Variants in EXD2 observed in about 807,000 individuals in gnomAD.
The protein encoded by EXD2 is exonuclease 3'-5' domain containing 2, also known as exonuclease 3'-5' domain-containing protein 2.
EXD2 carries 40 observed loss-of-function variants against 62.5 expected under a neutral mutation model. The ratio of observed to expected loss-of-function variants is 0.64; its 90% CI spans 0.50 to 0.83. EXD2 has a LOEUF of 0.83. EXD2 is among the 40% of genes least tolerant of loss of function. The probability of loss-of-function intolerance (pLI) is 0.00; values close to 1 mark genes in which losing one functional copy is unlikely to be tolerated. For missense variants in EXD2, 671 were observed against 761.8 expected, an observed-to-expected ratio of 0.88 and a Z score of 1.40; for synonymous variants, 239 against 291.9, an observed-to-expected ratio of 0.82 and a Z score of 1.85.
At chr14:69,203,591 G>A (rs2042482698) in intron 1 of EXD2, among the ~76,000 whole-genome samples, 1 of 152,176 alleles carries the variant, frequency 6.6e-6, no homozygotes, top group Non-Finnish European at 1.5e-5. Context: ...TTTGTAAGCA[G>A]GAAACTTTTA....
intron 1 of EXD2, among the ~76,000 whole-genome samples, chr14:69,200,537 A>C (rs1270307556): frequency 6.6e-6 from 1 of 151,626 alleles, no homozygotes; most frequent in Non-Finnish European, 1.5e-5. Context: ...CCCCATCTCT[A>C]CAAAAATAAT....
intron 9 of EXD2, among the ~76,000 whole-genome samples, chr14:69,238,270 G>A (rs550638800): frequency 6.6e-6 from 1 of 152,282 alleles, no homozygotes; most frequent in South Asian, 2.1e-4. Flanking sequence ...CCTCATGCCA[G>A]CACATGAGAT....
rs1177886071 is a variant in EXD2, at chr14:69,237,664, C to T, written c.1382C>T (p.Ser461Phe). The T allele has an allele frequency of 3.1e-6, 5 of 1,614,250 alleles. No homozygotes were observed. Among genetic ancestry groups the T allele is most frequent in the African/African-American group, 1.3e-5 (1 of 75,070 alleles). ...CACGATGTGCTGCTGCTCTGCACCTCCTGCCATGCCATTTCCAACTACTAT... is the reference window on the plus strand; with the variant it reads ...CACGATGTGCTGCTGCTCTGCACCTTCTGCCATGCCATTTCCAACTACTAT... ...NSHDVLLLCT[S>F]CHAISNYYDN... Residue 461 changes from serine to phenylalanine, a missense_variant, in exon 9 of 10, where the codon TCC (serine) becomes TTC (phenylalanine). By Grantham distance (155) the Ser-to-Phe change is radical (BLOSUM62 -2). Transcript: ENST00000685843.
chr14:69,207,840 G>A (rs951110382), intron 2 of EXD2, among the ~76,000 whole-genome samples: 8 of 151,736 alleles, frequency 5.3e-5, no homozygotes, highest in East Asian at 1.9e-4. Context: ...AGCTTGTGCC[G>A]AATGGTTGCT....
rs2043959113 is a variant in EXD2, at chr14:69,240,900, T to C, written c.1666T>C (p.Tyr556His). 1 of 1,613,436 alleles carries C rather than the reference T, an allele frequency of 6.2e-7. No individual in the cohort carries two copies. Among genetic ancestry groups the C allele is most frequent in the East Asian group, 2.2e-5 (1 of 44,876 alleles). The stretch of plus-strand genomic sequence containing the variant: ...TTTTGGCAGAATCTCCAATGAAAAC[T>C]ATGTTCCTCACGGGCTGAAGGTGGT... ...SLETRISNEN[Y>H]VPHGLKVVQC... Residue 556 changes from tyrosine to histidine, a missense_variant, in exon 10 of 10, where the codon TAT becomes CAT. Physicochemically the swap from Tyr to His is moderately conservative, Grantham distance 83 (BLOSUM62 2). Coordinates refer to ENST00000685843, the MANE Select transcript of EXD2 (RefSeq NM_001193360.2).
chr14:69,216,290 G>C (rs1051534760), intron 3 of EXD2, among the ~76,000 whole-genome samples: 1 of 152,112 alleles, frequency 6.6e-6, no homozygotes. Flanking sequence ...TTGTCTTCTT[G>C]ATTGTCTAAT....
chr14:69,224,562 C>T (rs1055393542), intron 3 of EXD2, among the ~76,000 whole-genome samples: 2 of 152,208 alleles, frequency 1.3e-5, no homozygotes, highest in Admixed American at 6.5e-5. Context: ...CTTCCCTTGA[C>T]TGGCCTCCCT....
intron 1 of EXD2, among the ~76,000 whole-genome samples, chr14:69,203,155 C>T (rs752305180): frequency 1.5e-4 from 23 of 152,106 alleles, no homozygotes; most frequent in Non-Finnish European, 2.6e-4. Flanking sequence ...ACTTCCCAGG[C>T]TCAGGTGATT....
Position 69,209,579 on chromosome 14 carries a change from A to G in EXD2, c.109A>G (p.Ser37Gly), listed in dbSNP as rs570508901. The change falls in exon 3 of 10, where the codon AGT (serine) becomes GGT (glycine). Residue 37 changes from serine to glycine, a missense_variant. Coordinates refer to ENST00000685843, the MANE Select transcript of EXD2 (RefSeq NM_001193360.2). ...CCAGCGCCGCCGAAGGAGTAAAACG[A>G]GTCCTGTGACCCAACAGCCACAGCA... The part of the protein sequence containing the change: ...GIQRRRRSKT[S>G]PVTQQPQQKV... 1.2e-5 allele frequency: 19 copies of G among 1,550,584 alleles called. No individual in the cohort carries two copies. The highest frequency in any genetic ancestry group is 1.7e-5 in the Non-Finnish European group (19 of 1,146,986).
chr14:69,229,140 G>T, intron 4 of EXD2, 68 bp downstream of exon 4: 1 of 1,581,032 alleles, frequency 6.3e-7, no homozygotes, highest in Non-Finnish European at 8.6e-7. Flanking sequence ...ATTTGTAGAT[G>T]CCTGGGACTC....
rs1204250155 is a variant in EXD2, at chr14:69,241,086, A to G, written c.1852A>G (p.Ile618Val). The G allele has an allele frequency of 4.3e-6, 7 of 1,612,274 alleles. No individual in the cohort carries two copies. The East Asian group carries it at 1.6e-4, about 36-fold the overall frequency. Residue 618 changes from isoleucine to valine, a missense_variant, in exon 10 of 10, where the codon ATC (isoleucine) becomes GTC (valine). By Grantham distance (29) the Ile-to-Val change is conservative. Transcript: ENST00000685843. ...CCGGAAATTCGGGGAAGATCTTCCC[A>G]TCCAGCTGTCTTGATAGCTGCTTTC... is the stretch of plus-strand genomic sequence containing the variant. The part of the protein sequence containing the change: ...LLRKFGEDLP[I>V]QLS
intron 3 of EXD2, among the ~76,000 whole-genome samples, chr14:69,223,895 G>T (rs2043270992): frequency 6.6e-6 from 1 of 152,166 alleles, no homozygotes; most frequent in Non-Finnish European, 1.5e-5. Flanking sequence ...ATAAAGAAAA[G>T]GAGTTTAATT....
At position 69,237,693 on chromosome 14, in the gene EXD2, A is replaced by G. The variant is rs2043843973; in HGVS notation, c.1411A>G (p.Asn471Asp). 6.2e-7 allele frequency: 1 copy of G among 1,614,212 alleles called. No individual in the cohort carries two copies. The highest frequency in any genetic ancestry group is 1.7e-5 in the Admixed American group (1 of 60,028). The part of the protein sequence containing the change: ...SCHAISNYYD[N>D]HLKQQLAKEF... ...CCATGCCATTTCCAACTACTATGAC[A>G]ACCATCTGAAGCAGCAGCTGGCCAA... Residue 471 changes from asparagine to aspartate, a missense_variant, in exon 9 of 10, where the codon AAC becomes GAC. Coordinates refer to ENST00000685843, the MANE Select transcript of EXD2 (RefSeq NM_001193360.2).
chr14:69,200,039 C>T (rs1166955780), intron 1 of EXD2, among the ~76,000 whole-genome samples: 2 of 152,146 alleles, frequency 1.3e-5, no homozygotes, highest in East Asian at 3.8e-4. Context: ...TGTGCAGCAA[C>T]GTTAGGACGG....
intron 3 of EXD2, among the ~76,000 whole-genome samples, chr14:69,227,300 G>A (rs1323252413): frequency 6.6e-6 from 1 of 152,088 alleles, no homozygotes; most frequent in Non-Finnish European, 1.5e-5. Context: ...CTAGGGACTG[G>A]GAAATTTAGG....
intron 1 of EXD2, among the ~76,000 whole-genome samples, chr14:69,195,354 C>T (rs1296468294): frequency 6.6e-6 from 1 of 152,162 alleles, no homozygotes; most frequent in Non-Finnish European, 1.5e-5. Flanking sequence ...TGTACCACCA[C>T]ACTGGCTAAT....
At chr14:69,227,784 A>G (rs1043568123) in intron 3 of EXD2, among the ~76,000 whole-genome samples, 30 of 152,180 alleles carry the variant, frequency 2.0e-4, no homozygotes, top group Admixed American at 2.0e-3. Flanking sequence ...CAGTGAGCCA[A>G]GATTGAGCCA....
At chr14:69,212,518 GT>G (rs869028588) in intron 3 of EXD2, among the ~76,000 whole-genome samples, 116 of 141,104 alleles carry the variant, frequency 8.2e-4, no homozygotes, top group Non-Finnish European at 7.3e-4. Flanking sequence ...CTTCTTTATT[GT>G]TTTTTTTTTT....
chr14:69,216,501 C>T (rs2042992481), intron 3 of EXD2, among the ~76,000 whole-genome samples: 1 of 152,134 alleles, frequency 6.6e-6, no homozygotes, highest in Admixed American at 6.5e-5. Context: ...GATCTCGGCT[C>T]ACTGCAGCCT....
Sources: gnomAD v4.1 joint callset for allele counts (sites outside exome capture counted in the v4.1 genomes callset) on GRCh38, gnomAD v4.1.1 for gene constraint, MANE v1.5 for transcripts, NCBI Gene and HGNC (gene_info 2026-07-23, HGNC 2026-07-21) for gene names.